PIAS4: variants seen among roughly 807,000 people sequenced by gnomAD.
PIAS4 encodes E3 SUMO-protein ligase PIAS4.
PIAS4 carries 7 observed loss-of-function variants against 58.0 expected under a neutral mutation model. The ratio of observed to expected loss-of-function variants is 0.12; its 90% confidence interval spans 0.07 to 0.23. The LOEUF is 0.23. Among genes scored for constraint, PIAS4 ranks in the 10% least tolerant of loss-of-function variants. The probability of loss-of-function intolerance (pLI) is 1.00; values close to 1 mark genes in which losing one functional copy is unlikely to be tolerated. For missense variants in PIAS4, 550 were observed against 709.5 expected (o/e 0.78, Z 2.55); for synonymous variants, 364 against 312.4 (o/e 1.17, Z -1.74).
At chr19:4,012,047 G>T (rs148817774) in intron 1 of PIAS4, among the ~76,000 whole-genome samples, 1 of 102,226 alleles carries the variant, frequency 9.8e-6, no homozygotes, top group Non-Finnish European at 2.0e-5. Flanking sequence ...GAGGTGTGTG[G>T]GGTGTGGAGG....
At chr19:4,036,625 T>TGCACA (rs2040292978) in intron 9 of PIAS4, among the ~76,000 whole-genome samples, 4 of 91,186 alleles carry the variant, frequency 4.4e-5, no homozygotes, top group African/African-American at 2.1e-4. Context: ...CCACACCGTC[T>TGCACA]CACATCTATA....
Position 4,013,845 on chromosome 19 carries a change from T to C in PIAS4, c.454+496T>C, listed in dbSNP as rs1251356848. Among the ~76,000 whole-genome samples, 2 of 152,108 alleles carry C rather than the reference T, an allele frequency of 1.3e-5. No individual in the cohort carries two copies. The highest frequency in any genetic ancestry group is 4.8e-5 in the African/African-American group (2 of 41,410). The stretch of plus-strand genomic sequence containing the variant: ...CTCCCTCACCCTAGGGTAGCGAGTG[T>C]GCACCTCCAAGCTGGGAGCTGGAGC... On this transcript the variant is annotated intron_variant, in intron 2 of 10. Coordinates refer to ENST00000262971, the MANE Select transcript of PIAS4 (RefSeq NM_015897.4). This position sits in a 1 kb window ranked among gnomAD's most constrained non-coding sequence, Gnocchi z 5.1.
In PIAS4 at chr19:4,037,439, C is replaced by T. The variant is rs2040311044; in HGVS notation, c.1208C>T (p.Ser403Leu). ...ADEIEYLVDGSWCPIRAEKER... is the reference protein window; with the variant it reads ...ADEIEYLVDGLWCPIRAEKER... ...GAGATCGAGTACCTGGTGGACGGCT[C>T]GTGGTGCCCGATCCGCGCCGAAAAG... is the stretch of plus-strand genomic sequence containing the variant. The change falls in exon 10 of 11, where the codon TCG becomes TTG. Residue 403 changes from serine to leucine, a missense_variant. Ser to Leu is a moderately radical substitution (Grantham distance 145, BLOSUM62 -2). Coordinates refer to ENST00000262971, the MANE Select transcript of PIAS4 (RefSeq NM_015897.4). This position sits in a 1 kb window ranked among gnomAD's most constrained non-coding sequence, Gnocchi z 5.8. 2 of 1,611,634 alleles carry T rather than the reference C, an allele frequency of 1.2e-6. No individual in the cohort carries two copies. Among genetic ancestry groups the T allele is most frequent in the South Asian group, 1.1e-5 (1 of 91,024 alleles).
intron 1 of PIAS4, among the ~76,000 whole-genome samples, chr19:4,010,773 A>G (rs1478908458): frequency 1.3e-5 from 2 of 152,234 alleles, no homozygotes; most frequent in Non-Finnish European, 2.9e-5. Flanking sequence ...TTAGCGACAC[A>G]GGCCTTGCTG....
chr19:4,017,389 G>A (rs923015271), intron 2 of PIAS4, among the ~76,000 whole-genome samples: 1 of 152,196 alleles, frequency 6.6e-6, no homozygotes, highest in Admixed American at 6.5e-5. Flanking sequence ...TCCCATGGCA[G>A]CCTGTGAATG....
rs544047442 is a variant in PIAS4, at chr19:4,036,946, ACT to A, written c.1143-426_1143-425del. ...CATGCTCACACACACACATTCATAG[ACT>A]CCACACATGCACACGTGCACACACA... On this transcript the variant is annotated intron_variant, in intron 9 of 10. Coordinates refer to ENST00000262971, the MANE Select transcript of PIAS4 (RefSeq NM_015897.4). 1.8e-3 allele frequency among the ~76,000 whole-genome samples: 277 copies of A among 152,162 alleles called. 1 individual carries two copies. The highest frequency in any genetic ancestry group is 6.5e-3 in the African/African-American group (269 of 41,508).
chr19:4,027,562 G>GTTTTTTTTTTTTTTTTTTTTTTTTTT, intron 3 of PIAS4, among the ~76,000 whole-genome samples: 1 of 130,862 alleles, frequency 7.6e-6, no homozygotes, highest in South Asian at 2.4e-4. Context: ...GGTGTTACTG[G>GTTTTTTTTTTTTTTTTTTTTTTTTTT]TTTTTGTTTT....
Position 4,013,248 on chromosome 19 carries a change from G to A in PIAS4, c.353G>A (p.Gly118Glu). Residue 118 changes from glycine (G) to glutamate (E), a missense_variant, in exon 2 of 11, where the codon GGA becomes GAA. Around this residue, in one of 4 missense-constraint regions of PIAS4, gnomAD observed 95 missense variants for 87.5 expected, o/e 1.09. Coordinates refer to ENST00000262971, the MANE Select transcript of PIAS4 (RefSeq NM_015897.4). This position sits in a 1 kb window ranked among gnomAD's most constrained non-coding sequence, Gnocchi z 5.1. ...GTGCTCTACGGAAAGTACTTAAACG[G>A]ACTGGGACGGTTGCCCGCCAAGACC... is the stretch of plus-strand genomic sequence containing the variant. ...YPVLYGKYLN[G>E]LGRLPAKTLK... 6.2e-7 allele frequency: 1 copy of A among 1,613,414 alleles called. No homozygotes were observed. The highest frequency in any genetic ancestry group is 8.5e-7 in the Non-Finnish European group (1 of 1,180,000).
chr19:4,018,040 A>G (rs1283416844), intron 2 of PIAS4, among the ~76,000 whole-genome samples: 4 of 151,034 alleles, frequency 2.6e-5, no homozygotes, highest in African/African-American at 9.8e-5. Context: ...TTGAATTCCT[A>G]ACCTCAAGTG....
intron 2 of PIAS4, among the ~76,000 whole-genome samples, chr19:4,023,276 C>T (rs549373045): frequency 9.9e-5 from 15 of 151,866 alleles, no homozygotes; most frequent in East Asian, 1.9e-4. Context: ...GTCACGAGTT[C>T]GAAACCAGCC....
intron 7 of PIAS4, among the ~76,000 whole-genome samples, chr19:4,030,113 C>T (rs1202112083): frequency 2.0e-5 from 3 of 151,352 alleles, no homozygotes; most frequent in Non-Finnish European, 2.9e-5. Flanking sequence ...TGAGCCACCA[C>T]GCCCGGCCCC....
chr19:4,012,469 T>G (rs986707792), intron 1 of PIAS4, among the ~76,000 whole-genome samples: 28 of 152,250 alleles, frequency 1.8e-4, no homozygotes, highest in Non-Finnish European at 3.1e-4. Context: ...AAAACATATC[T>G]GTGGCTGACA....
chr19:4,011,810 G>T (rs1037970503), intron 1 of PIAS4, among the ~76,000 whole-genome samples: 7 of 22,896 alleles, frequency 3.1e-4, no homozygotes, highest in African/African-American at 2.8e-4. Context: ...GGAGGTGTGT[G>T]GGGTGTGGAG....
Position 4,013,416 on chromosome 19 carries a change from C to CAGCCA in PIAS4, c.454+68_454+72dup, listed in dbSNP as rs2040019391. 1 of 1,374,800 alleles carries CAGCCA rather than the reference C, an allele frequency of 7.3e-7. No homozygotes were observed. The highest frequency in any genetic ancestry group is 1.4e-5 in the African/African-American group (1 of 70,020). The allele number at this position is 1,374,800 out of a possible 1,614,324, so 85.2% of individuals were successfully genotyped here. On this transcript the variant is annotated intron_variant, in intron 2 of 10. Coordinates refer to ENST00000262971, the MANE Select transcript of PIAS4 (RefSeq NM_015897.4). This position sits in a 1 kb window ranked among gnomAD's most constrained non-coding sequence, Gnocchi z 5.1. ...CTAGGCCCCGTCGCCCAGCCCAGCC[C>CAGCCA]AGCCACACAGCCGACTTCGAGTGAT...
In PIAS4 at chr19:4,033,180, C is replaced by T. The variant is rs759308463; in HGVS notation, c.981+7C>T. 2.4e-5 allele frequency: 38 copies of T among 1,606,010 alleles called. No homozygotes were observed. In the East Asian group the frequency reaches 3.1e-4, roughly 13 times the overall value. On this transcript the variant is annotated splice_region_variant and intron_variant, in intron 8 of 10. Coordinates refer to ENST00000262971, the MANE Select transcript of PIAS4 (RefSeq NM_015897.4). ...GGTGTCCCTCATCTGTCCGGTGAGT[C>T]GGGGCGCGGTCCCCTCCTCGAGGCC... is the stretch of plus-strand genomic sequence containing the variant.
At chr19:4,023,475 C>G (rs1354939645) in intron 2 of PIAS4, among the ~76,000 whole-genome samples, 1 of 152,164 alleles carries the variant, frequency 6.6e-6, no homozygotes, top group Non-Finnish European at 1.5e-5. Context: ...CAAAACAAAA[C>G]AAAACAAAAC....
intron 7 of PIAS4, among the ~76,000 whole-genome samples, chr19:4,032,116 C>T (rs1310804210): frequency 6.6e-6 from 1 of 152,140 alleles, no homozygotes; most frequent in Non-Finnish European, 1.5e-5. Flanking sequence ...GAGGAAGTGG[C>T]TCCCAAGCGG....
intron 1 of PIAS4, among the ~76,000 whole-genome samples, chr19:4,012,518 A>G (rs770677539): frequency 6.6e-6 from 1 of 152,126 alleles, no homozygotes; most frequent in Non-Finnish European, 1.5e-5. Flanking sequence ...TTATGTCATT[A>G]TCCTCCCGAC....
At chr19:4,009,748 C>G (rs955929971) in intron 1 of PIAS4, among the ~76,000 whole-genome samples, 1 of 152,164 alleles carries the variant, frequency 6.6e-6, no homozygotes, top group Non-Finnish European at 1.5e-5. Flanking sequence ...CCCAGCCTGT[C>G]ATATTCATGG....
Sources: allele counts gnomAD v4.1 joint callset (sites outside exome capture counted in the v4.1 genomes callset), GRCh38; gene constraint gnomAD v4.1.1; regional missense constraint gnomAD v4.1.1; non-coding constraint Gnocchi (gnomAD v3.1); transcripts MANE v1.5; gene names NCBI Gene and HGNC (gene_info 2026-07-23, HGNC 2026-07-21).